The following HAUS8 variants were observed in gnomAD, a reference collection of about 807,000 sequenced individuals.
HAUS8 encodes HAUS augmin like complex subunit 8, also known as HAUS augmin-like complex subunit 8.
In HAUS8, 38 loss-of-function variants were observed where a neutral mutation model predicts 42.9. The ratio of observed to expected loss-of-function variants is 0.89; its 90% CI spans 0.68 to 1.16. The LOEUF is 1.16. Among genes scored for constraint, HAUS8 ranks in the 50% most tolerant of loss-of-function variants. The probability of loss-of-function intolerance (pLI) is 0.00; values close to 1 mark genes in which losing one functional copy is unlikely to be tolerated. For synonymous variants in HAUS8, 199 were observed against 205.8 expected (o/e 0.97, Z 0.28); for missense variants, 494 against 511.6 (o/e 0.97, Z 0.33).
At chr19:17,070,048 C>T (rs1472106151) in intron 2 of HAUS8, among the ~76,000 whole-genome samples, 1 of 152,126 alleles carries the variant, frequency 6.6e-6, no homozygotes, top group African/African-American at 2.4e-5. Context: ...CTCTCTCCAC[C>T]AGATGCTGGA....
chr19:17,061,304 ATTT>A (rs1413594282), intron 4 of HAUS8, among the ~76,000 whole-genome samples: 1 of 151,874 alleles, frequency 6.6e-6, no homozygotes, highest in East Asian at 1.9e-4. Flanking sequence ...ATAATTTTTT[ATTT>A]TTTTATTTTT....
intron 2 of HAUS8, among the ~76,000 whole-genome samples, chr19:17,070,769 T>C (rs532640512): frequency 1.3e-5 from 2 of 152,290 alleles, no homozygotes; most frequent in South Asian, 4.1e-4. Flanking sequence ...CTCGATAATA[T>C]GTCAAATGAA....
intron 3 of HAUS8, among the ~76,000 whole-genome samples, chr19:17,068,099 C>CTTTTTTTTTTTTTTTTTTTTT (rs889723027): frequency 1.1e-4 from 10 of 93,480 alleles, no homozygotes; most frequent in Non-Finnish European, 1.3e-4. Flanking sequence ...TTATTTTATT[C>CTTTTTTTTTTTTTTTTTTTTT]TTTTTTTTTT....
chr19:17,050,454 C>T (rs1355813482), intron 10 of HAUS8, among the ~76,000 whole-genome samples: 2 of 152,064 alleles, frequency 1.3e-5, no homozygotes, highest in Admixed American at 6.5e-5. Flanking sequence ...CTCCAAAACT[C>T]CCATTAAAAA....
At chr19:17,055,837 G>T in intron 9 of HAUS8, 24 bp downstream of exon 9, 2 of 1,606,458 alleles carry the variant, frequency 1.2e-6, no homozygotes, top group Middle Eastern at 1.9e-4. Context: ...TGCTGCACAC[G>T]CACTGGGACG....
At chr19:17,053,144 C>T (rs906388933) in intron 9 of HAUS8, 178 bp from the exon 10 acceptor site, 8 of 669,562 alleles carry the variant, frequency 1.2e-5, no homozygotes, top group Non-Finnish European at 2.0e-5. Flanking sequence ...CCATCCCGTG[C>T]TCTGAGATTG....
intron 2 of HAUS8, among the ~76,000 whole-genome samples, chr19:17,070,097 C>G (rs141836114): frequency 6.6e-6 from 1 of 152,062 alleles, no homozygotes; most frequent in Non-Finnish European, 1.5e-5. Context: ...TGCCTCCCCC[C>G]ATTTCTCCCA....
At chr19:17,052,659 C>T in intron 10 of HAUS8, 166 bp downstream of exon 10, 1 of 691,688 alleles carries the variant, frequency 1.4e-6, no homozygotes, top group Non-Finnish European at 2.5e-6. Flanking sequence ...ATGACACCTG[C>T]TGGCCATTCT....
chr19:17,050,340 G>C (rs2057279801), intron 10 of HAUS8, among the ~76,000 whole-genome samples, 164 bp from the exon 11 acceptor site: 2 of 152,134 alleles, frequency 1.3e-5, no homozygotes, highest in African/African-American at 4.8e-5. Flanking sequence ...ACTCAATCAG[G>C]GAAACCCCCC....
At chr19:17,056,845 C>T (rs1306432657) in intron 8 of HAUS8, among the ~76,000 whole-genome samples, 1 of 152,040 alleles carries the variant, frequency 6.6e-6, no homozygotes, top group Admixed American at 6.6e-5. Flanking sequence ...CCCACCTCAG[C>T]CTCCCAAAGT....
chr19:17,072,828 A>G (rs1014064689), intron 2 of HAUS8, among the ~76,000 whole-genome samples: 3 of 150,630 alleles, frequency 2.0e-5, no homozygotes, highest in African/African-American at 4.9e-5. Flanking sequence ...TGAGAGTTTG[A>G]TTTTAGGCCG....
At chr19:17,075,128 G>C (rs959770442) in intron 1 of HAUS8, 1 of 536,664 alleles carries the variant, frequency 1.9e-6, no homozygotes, top group African/African-American at 1.9e-5. Context: ...TCGTAGCGGA[G>C]GAAAGCGAGG....
intron 1 of HAUS8, 69 bp downstream of exon 1, chr19:17,075,325 A>C (rs2057464303): frequency 2.3e-5 from 36 of 1,565,620 alleles, no homozygotes; most frequent in Middle Eastern, 1.7e-4. Flanking sequence ...CTAACTCCCC[A>C]CCTCCGCTGC....
intron 10 of HAUS8, among the ~76,000 whole-genome samples, chr19:17,050,428 TG>T (rs1383086650): frequency 6.6e-6 from 1 of 152,064 alleles, no homozygotes; most frequent in African/African-American, 2.4e-5. Flanking sequence ...GCTGCTGTGG[TG>T]GGAGTATCTG....
rs747415746 is a variant in HAUS8 at position 17,050,198 on chromosome 19, A to G, written c.930-22T>C. On this transcript the variant is annotated intron_variant, in intron 10 of 10. Coordinates refer to ENST00000253669, the MANE Select transcript of HAUS8 (RefSeq NM_033417.2). Reference sequence around the variant, plus strand: ...GCTCCTGTTGAGGATGGGAGAAAGAATAACGGCTTTCACCCTCTGAGGTGA... The same window carrying G: ...GCTCCTGTTGAGGATGGGAGAAAGAGTAACGGCTTTCACCCTCTGAGGTGA... The G allele has an allele frequency of 7.5e-6, 11 of 1,466,060 alleles. No homozygotes were observed. In the South Asian group the frequency reaches 1.2e-4, roughly 16 times the overall value. 90.8% of individuals were successfully genotyped at this position (1,466,060 alleles called of 1,614,324 possible). A position where few individuals can be genotyped will look rare whatever the true frequency, so the allele number is the denominator to read the frequency against.
chr19:17,055,138 AAAAAAATAT>A (rs2057314138), intron 9 of HAUS8: 12 of 29,624 alleles, frequency 4.1e-4, no homozygotes, highest in Non-Finnish European at 6.2e-4. Context: ...AAAAAAAAAA[AAAAAAATAT>A]ATATATATAT....
intron 2 of HAUS8, among the ~76,000 whole-genome samples, chr19:17,072,071 G>A (rs1010266675): frequency 1.3e-5 from 2 of 152,212 alleles, no homozygotes; most frequent in East Asian, 3.8e-4. Flanking sequence ...GTCCAAGAAC[G>A]AGGTAGCTCA....
At chr19:17,061,793 TTGAG>T (rs1428669084) in intron 4 of HAUS8, among the ~76,000 whole-genome samples, 1 of 152,180 alleles carries the variant, frequency 6.6e-6, no homozygotes, top group Admixed American at 6.5e-5. Context: ...AGAATCGCCC[TTGAG>T]TAAGAACTGG....
chr19:17,054,209 T>C (rs2057305947), intron 9 of HAUS8, among the ~76,000 whole-genome samples: 1 of 152,084 alleles, frequency 6.6e-6, no homozygotes, highest in African/African-American at 2.4e-5. Context: ...CTTTCTGTTG[T>C]TGCAAACCAC....
Sources: allele counts gnomAD v4.1 joint callset (sites outside exome capture counted in the v4.1 genomes callset), GRCh38; gene constraint gnomAD v4.1.1; transcripts MANE v1.5; gene names NCBI Gene and HGNC (gene_info 2026-07-23, HGNC 2026-07-21).